MARCHF1: variants seen among roughly 807,000 people sequenced by gnomAD.
The protein encoded by MARCHF1 is E3 ubiquitin-protein ligase MARCHF1.
Under a neutral mutation model 54.2 loss-of-function variants are expected in MARCHF1, and 40 were observed. That is an observed-to-expected ratio of 0.74 (90% CI 0.57 to 0.96). MARCHF1 has a LOEUF of 0.96. Among genes scored for constraint, MARCHF1 ranks in the 40% least tolerant of loss-of-function variants. The pLI is 0.00. For synonymous variants in MARCHF1, 236 were observed against 236.3 expected, an observed-to-expected ratio of 1.00 and a Z score of 0.01; for missense variants, 586 against 656.5, an observed-to-expected ratio of 0.89 and a Z score of 1.17.
At chr4:163,663,366 A>G (rs1379966650) in intron 5 of MARCHF1, among the ~76,000 whole-genome samples, 1 of 151,886 alleles carries the variant, frequency 6.6e-6, no homozygotes, top group Non-Finnish European at 1.5e-5. Context: ...CCACACTGTC[A>G]GCTCTCAGGC....
chr4:163,740,961 C>T (rs1270137402), intron 4 of MARCHF1, among the ~76,000 whole-genome samples: 6 of 152,174 alleles, frequency 3.9e-5, no homozygotes, highest in African/African-American at 4.8e-5. Flanking sequence ...CTTTCTTCCA[C>T]TTACACTCTT....
At chr4:164,065,777 C>A (rs1754713257) in intron 2 of MARCHF1, among the ~76,000 whole-genome samples, 1 of 152,116 alleles carries the variant, frequency 6.6e-6, no homozygotes, top group Non-Finnish European at 1.5e-5. Flanking sequence ...CCCAGGCAAA[C>A]CACTGGTGTA....
At chr4:164,142,027 G>A (rs1375403970) in intron 1 of MARCHF1, among the ~76,000 whole-genome samples, 1 of 152,188 alleles carries the variant, frequency 6.6e-6, no homozygotes, top group Admixed American at 6.5e-5. Flanking sequence ...AGGGGTCAGG[G>A]AGTTCCCTTT....
chr4:163,882,586 G>T (rs191466201), intron 3 of MARCHF1, among the ~76,000 whole-genome samples: 4 of 152,162 alleles, frequency 2.6e-5, no homozygotes, highest in Non-Finnish European at 5.9e-5. Flanking sequence ...CACAGAGCCT[G>T]TTGAAGAGCA....
At chr4:163,608,873 T>C (rs960854022) in intron 7 of MARCHF1, among the ~76,000 whole-genome samples, 5 of 152,080 alleles carry the variant, frequency 3.3e-5, no homozygotes, top group African/African-American at 1.2e-4. Context: ...GTCATTGTTT[T>C]GCCTACATAG....
At chr4:163,849,206 C>G (rs1749575228) in intron 4 of MARCHF1, among the ~76,000 whole-genome samples, 1 of 152,132 alleles carries the variant, frequency 6.6e-6, no homozygotes, top group Non-Finnish European at 1.5e-5. Context: ...CCTAAGTCAC[C>G]TTGGACAGGT....
intron 1 of MARCHF1, among the ~76,000 whole-genome samples, chr4:164,164,012 T>C (rs866943096): frequency 1.3e-5 from 2 of 151,728 alleles, no homozygotes; most frequent in South Asian, 2.1e-4. Context: ...AAAGGGAAAA[T>C]TGAATATATG....
chr4:163,535,977 A>G (rs1164892170), intron 9 of MARCHF1, among the ~76,000 whole-genome samples: 2 of 152,092 alleles, frequency 1.3e-5, no homozygotes, highest in East Asian at 3.9e-4. Flanking sequence ...ACATCCTACA[A>G]TGCACAGGAC....
intron 2 of MARCHF1, among the ~76,000 whole-genome samples, chr4:163,998,118 A>C (rs1333240432): frequency 6.6e-6 from 1 of 151,368 alleles, no homozygotes; most frequent in African/African-American, 2.4e-5. Flanking sequence ...AAAATATAAT[A>C]AAATATTTGA....
Position 164,285,046 on chromosome 4 carries a change from T to G in MARCHF1, c.-323+98824A>C, listed in dbSNP as rs182395958. On this transcript the variant is annotated intron_variant, in intron 1 of 9. Transcript: ENST00000514618. ...TATTTTACAAAAGTAGGTTGACTAC[T>G]GTAGGTGTTAAGTGTAGAAATATTT... is the stretch of plus-strand genomic sequence containing the variant. Among the ~76,000 whole-genome samples, 137 of 152,302 alleles carry G rather than the reference T, an allele frequency of 9.0e-4. 3 individuals carry two copies. The South Asian group carries it at 0.012, about 14-fold the overall frequency.
intron 4 of MARCHF1, among the ~76,000 whole-genome samples, chr4:163,790,844 A>G (rs1225264193): frequency 6.6e-6 from 1 of 152,088 alleles, no homozygotes; most frequent in Non-Finnish European, 1.5e-5. Flanking sequence ...CCTATAGCTG[A>G]GAGGTGACCT....
rs867443312 is a variant in MARCHF1, at chr4:164,176,965, T to G, written c.-322-65303A>C. The stretch of plus-strand genomic sequence containing the variant: ...CGCTCTCTCTCTCTCTCTCTCTCTC[T>G]CTCTCTCTCTCTCTCTATATATATA... On this transcript the variant is annotated intron_variant, in intron 1 of 9. Transcript: ENST00000514618. Among the ~76,000 whole-genome samples, 2 of 41,030 alleles carry G rather than the reference T, an allele frequency of 4.9e-5. 1 individual carries two copies. The highest frequency in any genetic ancestry group is 2.2e-4 in the African/African-American group (2 of 9,172). 26.9% of individuals were successfully genotyped at this position (41,030 alleles called of 152,430 possible). A position where few individuals can be genotyped will look rare whatever the true frequency, so the allele number is the denominator to read the frequency against.
chr4:163,997,817 T>G (rs1753106502), intron 2 of MARCHF1, among the ~76,000 whole-genome samples: 1 of 151,860 alleles, frequency 6.6e-6, no homozygotes, highest in Non-Finnish European at 1.5e-5. Flanking sequence ...GAAGAAGACT[T>G]AAATAATCAG....
rs371800452 is a variant in MARCHF1, at chr4:164,144,073, G to A, written c.-322-32411C>T. On this transcript the variant is annotated intron_variant, in intron 1 of 9. Transcript: ENST00000514618. ...CCAACAAAGATCAAAAGAGACAAAGGAGGCCATTACATAATGGTAAAGGGA... is the reference window on the plus strand; with the variant it reads ...CCAACAAAGATCAAAAGAGACAAAGAAGGCCATTACATAATGGTAAAGGGA... 6.4e-4 allele frequency among the ~76,000 whole-genome samples: 97 copies of A among 152,168 alleles called. 2 individuals are homozygous for A. The South Asian group carries it at 6.9e-3, about 11-fold the overall frequency.
chr4:163,993,409 G>A (rs759125439), intron 2 of MARCHF1, among the ~76,000 whole-genome samples: 7 of 152,066 alleles, frequency 4.6e-5, no homozygotes, highest in African/African-American at 9.7e-5. Flanking sequence ...TTTCAGAAGC[G>A]ACTGAATGAT....
At chr4:163,923,712 T>C (rs1751478686) in intron 3 of MARCHF1, among the ~76,000 whole-genome samples, 1 of 151,306 alleles carries the variant, frequency 6.6e-6, no homozygotes. Context: ...GTATTTAATA[T>C]ATACATTTAT....
chr4:164,027,194 C>A (rs1208741815), intron 2 of MARCHF1, among the ~76,000 whole-genome samples: 4 of 151,522 alleles, frequency 2.6e-5, no homozygotes, highest in Non-Finnish European at 1.5e-5. Context: ...CAATTCCAAT[C>A]AAACTACCAG....
intron 2 of MARCHF1, among the ~76,000 whole-genome samples, chr4:164,064,287 T>C (rs1754682654): frequency 3.9e-5 from 6 of 152,236 alleles, no homozygotes; most frequent in Admixed American, 3.9e-4. Context: ...ATTTGTCCCA[T>C]CCATGAACAT....
chr4:164,132,725 G>C (rs1756327157), intron 1 of MARCHF1, among the ~76,000 whole-genome samples: 1 of 152,028 alleles, frequency 6.6e-6, no homozygotes, highest in African/African-American at 2.4e-5. Flanking sequence ...TAAATCTCCA[G>C]TTTTATCATT....
Sources: allele counts gnomAD v4.1 joint callset (sites outside exome capture counted in the v4.1 genomes callset), GRCh38; gene constraint gnomAD v4.1.1; transcripts MANE v1.5; gene names NCBI Gene and HGNC (gene_info 2026-07-23, HGNC 2026-07-21).